Variants in CAMTA1 observed in about 807,000 individuals in gnomAD.
The protein encoded by CAMTA1 is calmodulin binding transcription activator 1.
In CAMTA1, 27 loss-of-function variants were observed where a neutral mutation model predicts 170.9. The observed-to-expected ratio is 0.16, with a 90% CI of 0.12 to 0.22. CAMTA1 has a LOEUF of 0.22. Among genes scored for constraint, CAMTA1 ranks in the 10% least tolerant of loss-of-function variants. The pLI is 1.00. For synonymous variants in CAMTA1, 833 were observed against 891.5 expected (o/e 0.93, Z 1.17); for missense variants, 1,619 against 2,217.2 (o/e 0.73, Z 5.42).
chr1:7,039,058 AAAAT>A (rs1704046807), intron 3 of CAMTA1, among the ~76,000 whole-genome samples: 1 of 152,198 alleles, frequency 6.6e-6, no homozygotes, highest in Non-Finnish European at 1.5e-5. Flanking sequence ...AAAATAAAAT[AAAAT>A]AAATAAATAA....
intron 4 of CAMTA1, among the ~76,000 whole-genome samples, chr1:7,237,170 T>C (rs1163232466): frequency 6.6e-6 from 1 of 152,202 alleles, no homozygotes; most frequent in African/African-American, 2.4e-5. Context: ...TTAGAAGCCA[T>C]CCAGATACTG....
rs533414075 is a variant in CAMTA1, at chr1:7,209,922, A to C, written c.303-39569A>C. Reference sequence around the variant, plus strand: ...CGCAGATTCCCGATATTAACATTTTATCATATCTGTCTTATCATTCTGTAT... The same window carrying C: ...CGCAGATTCCCGATATTAACATTTTCTCATATCTGTCTTATCATTCTGTAT... On this transcript the variant is annotated intron_variant, in intron 4 of 22. Transcript: ENST00000303635. Among the ~76,000 whole-genome samples the C allele has an allele frequency of 2.0e-5, 3 of 152,352 alleles. No homozygotes were observed. In the South Asian group the frequency reaches 6.2e-4, roughly 32 times the overall value.
At chr1:7,483,524 C>G (rs2093570269) in intron 6 of CAMTA1, among the ~76,000 whole-genome samples, 1 of 152,204 alleles carries the variant, frequency 6.6e-6, no homozygotes, top group Non-Finnish European at 1.5e-5. Flanking sequence ...AGCAAGTTCC[C>G]TTCCTTTCCT....
rs1656699757 is a variant in CAMTA1 at position 7,201,544 on chromosome 1, T to C, written c.303-47947T>C. On this transcript the variant is annotated intron_variant, in intron 4 of 22. Coordinates refer to ENST00000303635, the MANE Select transcript of CAMTA1 (RefSeq NM_015215.4). ...GTTCCAGTTTCTCTGTCAACACTTG[T>C]TATTATCTGACTTTCAGATTCTCAT... 2.0e-5 allele frequency among the ~76,000 whole-genome samples: 3 copies of C among 152,314 alleles called. No individual in the cohort carries two copies. In the South Asian group the frequency reaches 6.2e-4, roughly 32 times the overall value.
intron 5 of CAMTA1, among the ~76,000 whole-genome samples, chr1:7,438,894 C>A (rs751841034): frequency 2.6e-5 from 4 of 152,196 alleles, no homozygotes; most frequent in Non-Finnish European, 5.9e-5. Flanking sequence ...TGTCCACCTC[C>A]ATATCATAGT....
chr1:7,211,840 T>C (rs748239329), intron 4 of CAMTA1, among the ~76,000 whole-genome samples: 2 of 152,188 alleles, frequency 1.3e-5, no homozygotes, highest in Non-Finnish European at 2.9e-5. Context: ...CACAAACACA[T>C]ATATATCCAC....
chr1:7,514,516 G>C (rs2094252165), intron 6 of CAMTA1, among the ~76,000 whole-genome samples: 1 of 152,256 alleles, frequency 6.6e-6, no homozygotes, highest in Non-Finnish European at 1.5e-5. Context: ...GAAGGGGCTG[G>C]AGGTGGCCTC....
chr1:7,105,992 C>T (rs1004951615), intron 4 of CAMTA1, among the ~76,000 whole-genome samples: 2 of 151,940 alleles, frequency 1.3e-5, no homozygotes, highest in African/African-American at 4.8e-5. Flanking sequence ...AAATGATTTC[C>T]TATCCACTAA....
At chr1:7,437,440 A>G (rs1380810074) in intron 5 of CAMTA1, among the ~76,000 whole-genome samples, 1 of 152,076 alleles carries the variant, frequency 6.6e-6, no homozygotes, top group African/African-American at 2.4e-5. Context: ...CTCTGCCCTC[A>G]TGTTTACTTG....
At chr1:6,975,372 C>T (rs1442035990) in intron 3 of CAMTA1, among the ~76,000 whole-genome samples, 1 of 152,138 alleles carries the variant, frequency 6.6e-6, no homozygotes, top group African/African-American at 2.4e-5. Flanking sequence ...TGGCTTGCTG[C>T]TTTGTTTGTT....
At chr1:7,669,532 G>A (rs529050109) in intron 9 of CAMTA1, among the ~76,000 whole-genome samples, 3 of 152,350 alleles carry the variant, frequency 2.0e-5, no homozygotes, top group South Asian at 2.1e-4. Context: ...ACGGAGTTGG[G>A]GGGTAGGGAA....
At chr1:7,686,920 T>C (rs938438366) in intron 11 of CAMTA1, among the ~76,000 whole-genome samples, 2 of 151,934 alleles carry the variant, frequency 1.3e-5, no homozygotes, top group African/African-American at 4.8e-5. Flanking sequence ...CAGCAAACCA[T>C]TTCCTGAGAT....
At chr1:7,256,858 G>A (rs1667455539) in intron 5 of CAMTA1, among the ~76,000 whole-genome samples, 1 of 152,094 alleles carries the variant, frequency 6.6e-6, no homozygotes, top group African/African-American at 2.4e-5. Flanking sequence ...TTGGTGTCTG[G>A]CGAGGGCCTG....
chr1:7,082,148 G>A lies in CAMTA1; in HGVS notation c.235-9156G>A, dbSNP rs61672257. On this transcript the variant is annotated intron_variant, in intron 3 of 22. Transcript: ENST00000303635. ...ACCACCAGAGTGATGTTTCTAAAAA[G>A]CACAGCTAGCCAGCCGTGGTGGCTC... 4.9e-3 allele frequency among the ~76,000 whole-genome samples: 748 copies of A among 152,266 alleles called. 6 individuals are homozygous for A. Among genetic ancestry groups the A allele is most frequent in the African/African-American group, 0.017 (720 of 41,548 alleles).
Position 7,435,631 on chromosome 1 carries a change from G to A in CAMTA1, c.439-32199G>A, listed in dbSNP as rs1456212389. ...GTCCCCCAGCTTTGGCGGAATCAGC[G>A]CCTCAGAAAGAACCAGGCAGCCTCC... On this transcript the variant is annotated intron_variant, in intron 5 of 22. Coordinates refer to ENST00000303635, the MANE Select transcript of CAMTA1 (RefSeq NM_015215.4). The surrounding 1 kb of genome is among the most constrained non-coding windows in gnomAD (Gnocchi z 4.4). Among the ~76,000 whole-genome samples the A allele has an allele frequency of 3.9e-5, 6 of 152,172 alleles. No individual in the cohort carries two copies. Among genetic ancestry groups the A allele is most frequent in the Non-Finnish European group, 8.8e-5 (6 of 68,032 alleles).
intron 4 of CAMTA1, among the ~76,000 whole-genome samples, chr1:7,205,265 G>A (rs1003448405): frequency 2.6e-5 from 4 of 151,822 alleles, no homozygotes; most frequent in Non-Finnish European, 4.4e-5. Flanking sequence ...CACCATGCCT[G>A]GCTAATTTTG....
At chr1:7,278,210 A>G (rs1046007127) in intron 5 of CAMTA1, among the ~76,000 whole-genome samples, 1 of 152,240 alleles carries the variant, frequency 6.6e-6, no homozygotes, top group East Asian at 1.9e-4. Flanking sequence ...ATTAACAAAC[A>G]TGCCCCACCC....
At position 7,670,410 on chromosome 1, in the gene CAMTA1, G is replaced by C. The variant is rs75256924; in HGVS notation, c.2653-501G>C. 2.5e-3 allele frequency among the ~76,000 whole-genome samples: 377 copies of C among 152,234 alleles called. 3 individuals are homozygous for C. The highest frequency in any genetic ancestry group is 8.6e-3 in the African/African-American group (358 of 41,528). On this transcript the variant is annotated intron_variant, in intron 9 of 22. Transcript: ENST00000303635. ...GCCATCCCCACAGCCTGGGGATCCT[G>C]GGTCTCTCCTCAACTCCCTACAAGA...
intron 6 of CAMTA1, among the ~76,000 whole-genome samples, chr1:7,525,359 C>A (rs2094419190): frequency 6.6e-6 from 1 of 152,108 alleles, no homozygotes; most frequent in African/African-American, 2.4e-5. Flanking sequence ...ATCCCAGCTC[C>A]AGCCCTGACT....
Sources: allele counts gnomAD v4.1 joint callset (sites outside exome capture counted in the v4.1 genomes callset), GRCh38; gene constraint gnomAD v4.1.1; non-coding constraint Gnocchi (gnomAD v3.1); transcripts MANE v1.5; gene names NCBI Gene and HGNC (gene_info 2026-07-23, HGNC 2026-07-21).